Variants in CDK19 observed in about 807,000 individuals in gnomAD.
CDK19 encodes the protein cyclin dependent kinase 19, also known as cyclin-dependent kinase 19.
Under a neutral mutation model 68.3 loss-of-function variants are expected in CDK19, and 20 were observed. The observed-to-expected ratio is 0.29, with a 90% CI of 0.21 to 0.43. The LOEUF is 0.43. Among genes scored for constraint, CDK19 ranks in the 20% least tolerant of loss-of-function variants. The pLI, the probability that CDK19 is intolerant of heterozygous loss-of-function variation, is 1.00. For missense variants in CDK19, 339 were observed against 623.5 expected (o/e 0.54, Z 4.86); for synonymous variants, 221 against 222.8 (o/e 0.99, Z 0.07).
chr6:110,787,388 A>G (rs143032052), intron 1 of CDK19, among the ~76,000 whole-genome samples: 1,882 of 152,046 alleles, frequency 0.012, 36 homozygotes, highest in African/African-American at 0.043. Context: ...AAACAAACAA[A>G]CAAAGACCTA....
chr6:110,679,470 G>T (rs1398704418), intron 2 of CDK19, among the ~76,000 whole-genome samples: 1 of 152,124 alleles, frequency 6.6e-6, no homozygotes, highest in African/African-American at 2.4e-5. Flanking sequence ...AAATTAGCCA[G>T]GCGTGGTGGT....
chr6:110,765,421 G>A lies in CDK19; in HGVS notation c.129-19220C>T, dbSNP rs188174569. Among the ~76,000 whole-genome samples the A allele has an allele frequency of 3.0e-3, 450 of 151,876 alleles. 2 individuals are homozygous for A. The highest frequency in any genetic ancestry group is 0.011 in the African/African-American group (436 of 41,398). ...AGGTCAGACGCGGTGGCTCACGCCT[G>A]TAATTCCAGCACTTTGGGAGGCCGA... On this transcript the variant is annotated intron_variant, in intron 1 of 12. Coordinates refer to ENST00000368911, the MANE Select transcript of CDK19 (RefSeq NM_015076.5).
chr6:110,663,789 C>T (rs947442754), intron 4 of CDK19, among the ~76,000 whole-genome samples: 4 of 152,086 alleles, frequency 2.6e-5, no homozygotes, highest in Non-Finnish European at 4.4e-5. Context: ...CCTTGGCCTC[C>T]GAACATGCTG....
chr6:110,617,662 T>TATATATACAC lies in CDK19; in HGVS notation c.1378-2997_1378-2996insGTGTATATAT, dbSNP rs755618032. Among the ~76,000 whole-genome samples the TATATATACAC allele has an allele frequency of 1.2e-3, 129 of 107,154 alleles. 1 individual carries two copies. The highest frequency in any genetic ancestry group is 4.2e-3 in the South Asian group (13 of 3,090). The allele number at this position is 107,154 out of a possible 152,430, so 70.3% of individuals were successfully genotyped here. On this transcript the variant is annotated intron_variant, in intron 12 of 12. Coordinates refer to ENST00000368911, the MANE Select transcript of CDK19 (RefSeq NM_015076.5). ...AATAATAAAATTATTTATATATATA[T>TATATATACAC]ACACACACACACACACACACACACA...
intron 2 of CDK19, among the ~76,000 whole-genome samples, chr6:110,727,817 AAAAG>A (rs1554213066): frequency 6.6e-6 from 1 of 151,920 alleles, no homozygotes; most frequent in Non-Finnish European, 1.5e-5. Context: ...TACTAAAAAA[AAAAG>A]AAAGAAAGAA....
At chr6:110,723,157 A>AC (rs1259548615) in intron 2 of CDK19, among the ~76,000 whole-genome samples, 3 of 150,804 alleles carry the variant, frequency 2.0e-5, no homozygotes, top group South Asian at 2.1e-4. Context: ...AAAACAAAAA[A>AC]AAAAACGCAG....
chr6:110,718,589 A>G (rs2114727499), intron 2 of CDK19, among the ~76,000 whole-genome samples: 1 of 151,420 alleles, frequency 6.6e-6, no homozygotes, highest in African/African-American at 2.4e-5. Flanking sequence ...GGCTGACATC[A>G]TATCAGCAAT....
intron 4 of CDK19, chr6:110,646,147 T>C (rs534950073): frequency 5.2e-6 from 5 of 965,718 alleles, no homozygotes; most frequent in Non-Finnish European, 7.8e-6. Flanking sequence ...ACCTTCGGCA[T>C]GGAGAGCACG....
intron 1 of CDK19, among the ~76,000 whole-genome samples, chr6:110,771,270 A>G (rs1779999932): frequency 6.6e-6 from 1 of 152,270 alleles, no homozygotes; most frequent in South Asian, 2.1e-4. Context: ...CAGCATTTCC[A>G]TACATCTTCT....
rs114014211 is a variant in CDK19, at chr6:110,703,226, T to C, written c.205-32685A>G. ...TAATTGAAAACACCAGTGCACATCATAGATTATGAGCAAGAAAGAGCCAGA... is the reference window on the plus strand; with the variant it reads ...TAATTGAAAACACCAGTGCACATCACAGATTATGAGCAAGAAAGAGCCAGA... On this transcript the variant is annotated intron_variant, in intron 2 of 12. Coordinates refer to ENST00000368911, the MANE Select transcript of CDK19 (RefSeq NM_015076.5). 7.2e-3 allele frequency among the ~76,000 whole-genome samples: 1,091 copies of C among 152,140 alleles called. 14 individuals are homozygous for C. Among genetic ancestry groups the C allele is most frequent in the African/African-American group, 0.025 (1,041 of 41,504 alleles).
chr6:110,811,457 T>C (rs1010708474), intron 1 of CDK19, among the ~76,000 whole-genome samples: 3 of 152,168 alleles, frequency 2.0e-5, no homozygotes, highest in African/African-American at 7.2e-5. Flanking sequence ...TTTCGTCTTG[T>C]TGGCCAGGCT....
In CDK19 at chr6:110,754,854, A is replaced by T. The variant is rs1778728538; in HGVS notation, c.129-8653T>A. Among the ~76,000 whole-genome samples, 5 of 152,296 alleles carry T rather than the reference A, an allele frequency of 3.3e-5. 1 individual carries two copies. In the South Asian group the frequency reaches 1.0e-3, roughly 32 times the overall value. On this transcript the variant is annotated intron_variant, in intron 1 of 12. Coordinates refer to ENST00000368911, the MANE Select transcript of CDK19 (RefSeq NM_015076.5). Reference sequence around the variant, plus strand: ...ATCTTAAGTCAGACTTACTTGCAACAGAAGGTAATATAATAAGTGATGTGA... The same window carrying T: ...ATCTTAAGTCAGACTTACTTGCAACTGAAGGTAATATAATAAGTGATGTGA...
rs537462635 is a variant in CDK19 at position 110,665,956 on chromosome 6, C to T, written c.456+1478G>A. Among the ~76,000 whole-genome samples the T allele has an allele frequency of 9.2e-5, 14 of 151,790 alleles. No individual in the cohort carries two copies. The South Asian group carries it at 2.1e-3, about 23-fold the overall frequency. ...TGGGGTTTTGCTATGTTGCCCAGGC[C>T]GGTCTCGAAGTCCTGAGCTCAAGTG... is the stretch of plus-strand genomic sequence containing the variant. On this transcript the variant is annotated intron_variant, in intron 4 of 12. Transcript: ENST00000368911.
At chr6:110,706,019 A>T (rs1485312176) in intron 2 of CDK19, among the ~76,000 whole-genome samples, 1 of 151,882 alleles carries the variant, frequency 6.6e-6, no homozygotes, top group South Asian at 2.1e-4. Flanking sequence ...TAATAATAAT[A>T]AAAAAAATCT....
intron 1 of CDK19, among the ~76,000 whole-genome samples, chr6:110,776,244 C>G (rs1041816681): frequency 3.9e-5 from 6 of 151,960 alleles, no homozygotes; most frequent in African/African-American, 1.4e-4. Flanking sequence ...GCCTGGCCAA[C>G]ATGGCAAAAA....
chr6:110,623,615 T>G (rs1778853093), intron 8 of CDK19: 1 of 167,644 alleles, frequency 6.0e-6, no homozygotes, highest in Non-Finnish European at 1.2e-5. Flanking sequence ...GTTGAAAATG[T>G]GTATAGCTTA....
intron 1 of CDK19, among the ~76,000 whole-genome samples, chr6:110,811,302 C>T (rs1783075946): frequency 6.6e-6 from 1 of 152,170 alleles, no homozygotes. Flanking sequence ...TACATGTACT[C>T]ATTGTGAAGA....
At chr6:110,794,596 G>A (rs1210688912) in intron 1 of CDK19, among the ~76,000 whole-genome samples, 1 of 150,056 alleles carries the variant, frequency 6.7e-6, no homozygotes, top group African/African-American at 2.5e-5. Flanking sequence ...GTAGAGACAG[G>A]GTTTCACCAT....
chr6:110,724,074 C>T (rs1360893677), intron 2 of CDK19, among the ~76,000 whole-genome samples: 1 of 151,904 alleles, frequency 6.6e-6, no homozygotes, highest in African/African-American at 2.4e-5. Context: ...CATTATAGGG[C>T]CAGGCACAGT....
Sources: allele counts gnomAD v4.1 joint callset (sites outside exome capture counted in the v4.1 genomes callset), GRCh38; gene constraint gnomAD v4.1.1; transcripts MANE v1.5; gene names NCBI Gene and HGNC (gene_info 2026-07-23, HGNC 2026-07-21).